The following MSN variants were observed in gnomAD, a reference collection of about 807,000 sequenced individuals.
MSN encodes the protein moesin.
Under a neutral mutation model 48.0 loss-of-function variants are expected in MSN, and 2 were observed. The ratio of observed to expected loss-of-function variants is 0.04; its 90% CI spans 0.02 to 0.13. The LOEUF is 0.13. MSN is among the 10% of genes least tolerant of loss of function. The pLI, the probability that MSN is intolerant of heterozygous loss-of-function variation, is 1.00. For missense variants in MSN, 267 were observed against 470.1 expected (o/e 0.57, Z 3.99); for synonymous variants, 146 against 166.9 (o/e 0.87, Z 0.97).
In MSN at chrX:65,611,144, CCTTTCTTT is replaced by C. The variant is rs370402241; in HGVS notation, c.-22+22547_-22+22554del. 5.4e-3 allele frequency among the ~76,000 whole-genome samples: 573 copies of C among 105,174 alleles called. 7 individuals carry two copies. Among genetic ancestry groups the C allele is most frequent in the African/African-American group, 0.02 (523 of 26,506 alleles). The allele number at this position is 105,174 out of a possible 115,157, so 91.3% of individuals were successfully genotyped here. ...AAATTATACAGTTTCTTCCATCCTT[CCTTTCTTT>C]CTTTCTTTCTTTCTATTTTTTTTTT... On this transcript the variant is annotated intron_variant, in intron 1 of 3. Transcript: ENST00000609672.
chrX:65,737,063 A>G, intron 9 of MSN, 115 bp from the exon 10 acceptor site: 1 of 1,119,417 alleles, frequency 8.9e-7, no homozygotes. Flanking sequence ...GCAAGAAGAG[A>G]GCTCAGAACT....
intron 1 of MSN, among the ~76,000 whole-genome samples, chrX:65,598,355 CAG>C (rs2070203502): frequency 1.9e-5 from 2 of 107,283 alleles, no homozygotes; most frequent in East Asian, 2.9e-4. Context: ...GAAAGAAACA[CAG>C]AGAGAGAAAC....
chrX:65,665,510 T>A (rs1323637375), upstream of MSN, among the ~76,000 whole-genome samples: 3 of 111,630 alleles, frequency 2.7e-5, no homozygotes, highest in African/African-American at 9.8e-5. Context: ...CATCAATGAA[T>A]CTTGTTAGCA....
intron 1 of MSN, among the ~76,000 whole-genome samples, chrX:65,703,906 C>T (rs757385578): frequency 1.8e-5 from 2 of 111,824 alleles, no homozygotes; most frequent in African/African-American, 3.3e-5. Flanking sequence ...CCAGAAGCGT[C>T]CCCCTGCAAC....
intron 1 of MSN, among the ~76,000 whole-genome samples, chrX:65,703,798 C>A (rs2071333680): frequency 9.0e-6 from 1 of 111,632 alleles, no homozygotes; most frequent in African/African-American, 3.3e-5. Context: ...TGGTCTTTAA[C>A]TGGGCTCAAG....
chrX:65,688,868 C>A (rs938624430), intron 1 of MSN, among the ~76,000 whole-genome samples: 17 of 111,835 alleles, frequency 1.5e-4, no homozygotes, highest in African/African-American at 5.5e-4. Context: ...ATTGTGCTTT[C>A]CACCTGGTTG....
intron 1 of MSN, among the ~76,000 whole-genome samples, chrX:65,690,439 T>C (rs2071161511): frequency 1.8e-5 from 2 of 111,349 alleles, no homozygotes; most frequent in South Asian, 7.5e-4. Flanking sequence ...GAGGAAGGGG[T>C]GGGGTTAACT....
chrX:65,703,688 CTAAG>C (rs765177769), intron 1 of MSN, among the ~76,000 whole-genome samples: 3 of 112,131 alleles, frequency 2.7e-5, no homozygotes, highest in South Asian at 3.7e-4. Context: ...CCTCAGCCTC[CTAAG>C]TAAGTATTAG....
At chrX:65,612,061 T>C (rs1350471609) in intron 1 of MSN, among the ~76,000 whole-genome samples, 2 of 112,219 alleles carry the variant, frequency 1.8e-5, no homozygotes, top group Non-Finnish European at 3.8e-5. Flanking sequence ...GGTTGTGCTA[T>C]GGTTTGAATG....
chrX:65,636,695 C>T (rs1304102611), intron 1 of MSN, among the ~76,000 whole-genome samples: 19 of 86,715 alleles, frequency 2.2e-4, no homozygotes, highest in Non-Finnish European at 2.7e-4. Flanking sequence ...TGTAGTGAGC[C>T]GAGATCTCGC....
At chrX:65,720,093 C>G (rs1243175853) in intron 2 of MSN, among the ~76,000 whole-genome samples, 1 of 111,540 alleles carries the variant, frequency 9.0e-6, no homozygotes, top group Non-Finnish European at 1.9e-5. Context: ...AAGTCCATGA[C>G]TTCTCATCAT....
chrX:65,716,829 T>C lies in MSN; in HGVS notation c.24T>C (p.Arg8=). 8.3e-7 allele frequency: 1 copy of C among 1,209,851 alleles called. No individual in the cohort carries two copies. The highest frequency in any genetic ancestry group is 1.8e-5 in the South Asian group (1 of 56,856). The change falls in exon 2 of 13, where the codon CGT becomes CGC. Residue 8 remains arginine (R), a synonymous_variant. Coordinates refer to ENST00000360270, the MANE Select transcript of MSN (RefSeq NM_002444.3). ...TGATCTCATCCTAGATCAGTGTGCGTGTGACCACCATGGATGCAGAGCTGG... is the reference window on the plus strand; with the variant it reads ...TGATCTCATCCTAGATCAGTGTGCGCGTGACCACCATGGATGCAGAGCTGG... MPKTISV[R]VTTMDAELEF... is the part of the protein sequence containing the mutation.
At chrX:65,713,883 G>A (rs1450993999) in intron 1 of MSN, among the ~76,000 whole-genome samples, 4 of 111,829 alleles carry the variant, frequency 3.6e-5, no homozygotes, top group African/African-American at 1.3e-4. Context: ...GGGTTAAAGC[G>A]ATTCTCGTGC....
chrX:65,590,796 G>A (rs1261545204), intron 1 of MSN, among the ~76,000 whole-genome samples: 1 of 110,904 alleles, frequency 9.0e-6, no homozygotes, highest in Non-Finnish European at 1.9e-5. Context: ...ATGGAACATG[G>A]GATGGGGGGT....
At chrX:65,667,380 T>A (rs908330814), upstream of MSN, among the ~76,000 whole-genome samples, 3 of 81,158 alleles carry the variant, frequency 3.7e-5, no homozygotes, top group Non-Finnish European at 4.8e-5. Flanking sequence ...GGGCCCTGAG[T>A]GGGGGTGGGG....
At chrX:65,612,277 T>C (rs746131358) in intron 1 of MSN, among the ~76,000 whole-genome samples, 1 of 111,450 alleles carries the variant, frequency 9.0e-6, no homozygotes, top group Non-Finnish European at 1.9e-5. Context: ...CCTTCCACTA[T>C]GTGATGACAC....
At chrX:65,695,119 G>C (rs1424581520) in intron 1 of MSN, among the ~76,000 whole-genome samples, 2 of 109,640 alleles carry the variant, frequency 1.8e-5, no homozygotes, top group African/African-American at 6.7e-5. Flanking sequence ...TGGTGGTGGT[G>C]GTGGTGGAGT....
chrX:65,699,748 C>T (rs924097997), intron 1 of MSN, among the ~76,000 whole-genome samples: 2 of 43,038 alleles, frequency 4.6e-5, no homozygotes, highest in African/African-American at 7.5e-5. Flanking sequence ...GAATCTGTTT[C>T]AAAAAAAAAA....
chrX:65,642,469 G>GT (rs2070664693), intron 1 of MSN, among the ~76,000 whole-genome samples: 1 of 109,949 alleles, frequency 9.1e-6, no homozygotes, highest in Non-Finnish European at 1.9e-5. Flanking sequence ...TCCAGGTTTG[G>GT]GCATGGCATA....
Sources: allele counts gnomAD v4.1 joint callset (sites outside exome capture counted in the v4.1 genomes callset), GRCh38; gene constraint gnomAD v4.1.1; transcripts MANE v1.5; gene names NCBI Gene and HGNC (gene_info 2026-07-23, HGNC 2026-07-21).